ERCC6: variants seen among roughly 807,000 people sequenced by gnomAD.
ERCC6 encodes DNA excision repair protein ERCC-6.
In ERCC6, 116 loss-of-function variants were observed where a neutral mutation model predicts 158.7. That is an observed-to-expected ratio of 0.73 (90% CI 0.63 to 0.85). The LOEUF is 0.85. ERCC6 is among the 40% of genes least tolerant of loss of function. The pLI is 0.00. For missense variants in ERCC6, 1,698 were observed against 1,799.4 expected, an observed-to-expected ratio of 0.94 and a Z score of 1.02; for synonymous variants, 678 against 659.3, an observed-to-expected ratio of 1.03 and a Z score of -0.43.
chr10:49,495,077 G>A lies in ERCC6; in HGVS notation c.1686-1825C>T, dbSNP rs556583645. Among the ~76,000 whole-genome samples, 4 of 152,280 alleles carry A rather than the reference G, an allele frequency of 2.6e-5. No homozygotes were observed. The East Asian group carries it at 7.7e-4, about 29-fold the overall frequency. On this transcript the variant is annotated intron_variant, in intron 7 of 20. Transcript: ENST00000355832. Reference sequence around the variant, plus strand: ...CCTGCCCTTCTGGGACAAAGGGACAGTGTCCCTTTTCTTGTTTGAGACCAA... The same window carrying A: ...CCTGCCCTTCTGGGACAAAGGGACAATGTCCCTTTTCTTGTTTGAGACCAA...
intron 8 of ERCC6, among the ~76,000 whole-genome samples, chr10:49,484,292 GAAAAAAAA>G (rs1171502815): frequency 2.5e-5 from 3 of 118,854 alleles, no homozygotes; most frequent in Non-Finnish European, 5.2e-5. Context: ...AAAAAAAAAA[GAAAAAAAA>G]AAAAAGAAAA....
At chr10:49,440,651 A>G in the ERCC6 span, among the ~76,000 whole-genome samples, 1 of 152,258 alleles carries the variant, frequency 6.6e-6, no homozygotes, top group Non-Finnish European at 1.5e-5. Context: ...CAAGGTCATC[A>G]TTGCAAAAGG....
At chr10:49,488,100 T>C (rs1448960057) in intron 8 of ERCC6, 1 of 196,918 alleles carries the variant, frequency 5.1e-6, no homozygotes, top group Non-Finnish European at 1.1e-5. Flanking sequence ...TTGTAAAATA[T>C]GTAACCTCTC....
In ERCC6 at chr10:49,515,864, A is replaced by G. The variant is rs140906145; in HGVS notation, c.1397+8169T>C. The G allele has an allele frequency of 6.8e-6, 11 of 1,614,022 alleles. No individual in the cohort carries two copies. The African/African-American group carries it at 1.3e-4, about 20-fold the overall frequency. Reference sequence around the variant, plus strand: ...CACCAGATGAGGCAACAGTGACAACACTGTTATCATTCCATCTGCAGACAA... The same window carrying G: ...CACCAGATGAGGCAACAGTGACAACGCTGTTATCATTCCATCTGCAGACAA... On this transcript the variant is annotated intron_variant, in intron 5 of 20. Transcript: ENST00000355832.
chr10:49,480,578 A>G (rs1232301378), intron 10 of ERCC6, among the ~76,000 whole-genome samples: 1 of 152,260 alleles, frequency 6.6e-6, no homozygotes, highest in African/African-American at 2.4e-5. Context: ...CTTCAAGGAA[A>G]AAAACAGATC....
At chr10:49,500,902 T>G (rs1851345571) in intron 6 of ERCC6, 1 of 579,226 alleles carries the variant, frequency 1.7e-6, no homozygotes, top group South Asian at 2.0e-5. Context: ...AAATTTTTCT[T>G]TACAAAACAT....
At chr10:49,494,758 C>T (rs1265925959) in intron 7 of ERCC6, among the ~76,000 whole-genome samples, 1 of 152,224 alleles carries the variant, frequency 6.6e-6, no homozygotes, top group Non-Finnish European at 1.5e-5. Flanking sequence ...AGAGACTTTT[C>T]TCTCCTGGTC....
rs141391984 is a variant in ERCC6, at chr10:49,524,272, G to C, written c.1158C>G (p.Asp386Glu). Residue 386 changes from aspartate to glutamate, a missense_variant, in exon 5 of 21, where the codon GAC (aspartate) becomes GAG (glutamate). Coordinates refer to ENST00000355832, the MANE Select transcript of ERCC6 (RefSeq NM_000124.4). ...PTEEEEEEED[D>E]EVEGAEADLS... Reference sequence around the variant, plus strand: ...GGTCCGCCTCTGCCCCCTCCACCTCGTCATCTTCCTCCTCTTCCTCCTCCT... The same window carrying C: ...GGTCCGCCTCTGCCCCCTCCACCTCCTCATCTTCCTCCTCTTCCTCCTCCT... 3,119 of 1,613,814 alleles carry C rather than the reference G, an allele frequency of 1.9e-3. 5 individuals carry two copies. The highest frequency in any genetic ancestry group is 2.3e-3 in the Non-Finnish European group (2,664 of 1,179,970).
intron 11 of ERCC6, among the ~76,000 whole-genome samples, chr10:49,477,840 C>G (rs1850906016): frequency 6.6e-6 from 1 of 152,228 alleles, no homozygotes; most frequent in South Asian, 2.1e-4. Context: ...CATCAAAGGT[C>G]TTCTCTGACC....
At chr10:49,493,870 T>A (rs1851218596) in intron 7 of ERCC6, among the ~76,000 whole-genome samples, 1 of 152,166 alleles carries the variant, frequency 6.6e-6, no homozygotes, top group African/African-American at 2.4e-5. Flanking sequence ...CAAAGCACCA[T>A]GGAGGAGCAT....
intron 1 of ERCC6, among the ~76,000 whole-genome samples, chr10:49,538,293 G>C (rs1490587694): frequency 6.6e-6 from 1 of 152,212 alleles, no homozygotes; most frequent in East Asian, 1.9e-4. Context: ...CACAAGGCCT[G>C]GGAAAACACG....
intron 8 of ERCC6, among the ~76,000 whole-genome samples, chr10:49,492,845 G>GAT: frequency 6.6e-6 from 1 of 152,148 alleles, no homozygotes; most frequent in Non-Finnish European, 1.5e-5. Flanking sequence ...CACACTGCCA[G>GAT]GCTTGTGCCC....
chr10:49,443,374 C>T, the ERCC6 span, among the ~76,000 whole-genome samples: 1 of 152,166 alleles, frequency 6.6e-6, no homozygotes, highest in Non-Finnish European at 1.5e-5. Context: ...CAATCATACA[C>T]CACATAATGA....
chr10:49,454,135 C>A (rs1218176823), downstream of ERCC6, among the ~76,000 whole-genome samples: 1 of 118,842 alleles, frequency 8.4e-6, no homozygotes, highest in African/African-American at 2.6e-5. Context: ...GCTCATTTTT[C>A]ATTTTTTTTC....
At chr10:49,473,920 G>C in intron 13 of ERCC6, 107 bp downstream of exon 13, 11 of 1,027,362 alleles carry the variant, frequency 1.1e-5, no homozygotes, top group Non-Finnish European at 1.7e-5. Context: ...CTCAGCATCA[G>C]TGGTAGACTT....
chr10:49,435,589 T>G, the ERCC6 span, among the ~76,000 whole-genome samples: 2 of 152,182 alleles, frequency 1.3e-5, no homozygotes, highest in Non-Finnish European at 2.9e-5. Context: ...AGAAATCATA[T>G]TGAAAATTAG....
chr10:49,480,631 T>C (rs566668545), intron 10 of ERCC6, among the ~76,000 whole-genome samples: 2 of 152,360 alleles, frequency 1.3e-5, no homozygotes, highest in African/African-American at 4.8e-5. Flanking sequence ...AATGACTTAT[T>C]AATGCCAAAG....
intron 5 of ERCC6, chr10:49,515,394 C>T (rs1188422464): frequency 5.6e-6 from 9 of 1,613,846 alleles, no homozygotes; most frequent in African/African-American, 1.3e-5. Context: ...TTTTTCACAT[C>T]GAAAAGTTGT....
the ERCC6 span, among the ~76,000 whole-genome samples, chr10:49,438,923 G>A: frequency 4.5e-3 from 681 of 152,256 alleles, 3 homozygotes; most frequent in African/African-American, 0.016. Flanking sequence ...TCACATCTAG[G>A]TCACGCTGAT....
Sources: allele counts gnomAD v4.1 joint callset (sites outside exome capture counted in the v4.1 genomes callset), GRCh38; gene constraint gnomAD v4.1.1; transcripts MANE v1.5; gene names NCBI Gene and HGNC (gene_info 2026-07-23, HGNC 2026-07-21).